Variants in CDC14A observed in about 807,000 individuals in gnomAD.
The protein encoded by CDC14A is dual specificity protein phosphatase CDC14A.
In CDC14A, 53 loss-of-function variants were observed where a neutral mutation model predicts 74.4. The observed-to-expected ratio is 0.71, with a 90% CI of 0.57 to 0.89. CDC14A has a LOEUF of 0.89. Among genes scored for constraint, CDC14A ranks in the 40% least tolerant of loss-of-function variants. CDC14A has a pLI of 0.00. For synonymous variants in CDC14A, 247 were observed against 258.4 expected, an observed-to-expected ratio of 0.96 and a Z score of 0.43; for missense variants, 646 against 713.7, an observed-to-expected ratio of 0.91 and a Z score of 1.08.
At chr1:100,354,624 C>T (rs1216723790) in intron 2 of CDC14A, among the ~76,000 whole-genome samples, 1 of 152,188 alleles carries the variant, frequency 6.6e-6, no homozygotes, top group African/African-American at 2.4e-5. Flanking sequence ...AATCTTTATT[C>T]AGTAAAAGTA....
intron 11 of CDC14A, among the ~76,000 whole-genome samples, chr1:100,487,694 C>G (rs1032722363): frequency 6.6e-6 from 1 of 152,186 alleles, no homozygotes; most frequent in East Asian, 1.9e-4. Context: ...TGTGGTTTTA[C>G]TGAATGTTCT....
intron 2 of CDC14A, among the ~76,000 whole-genome samples, chr1:100,377,036 GTT>G (rs60831530): frequency 7.2e-5 from 10 of 138,212 alleles, no homozygotes; most frequent in Admixed American, 7.3e-5. Flanking sequence ...AATTAGTTCT[GTT>G]TTTTTTTTTT....
rs529224 is a variant in CDC14A, at chr1:100,352,622, G to C, written c.-333G>C. On this transcript the variant is annotated 5_prime_UTR_variant, in exon 1 of 16. Transcript: ENST00000336454. ...ATGATCACTTTGGAAGCCGGGGGAA[G>C]ACTTTGCCCTGCCCTGAGAGCTGGT... The C allele has an allele frequency of 0.37, 436,571 of 1,167,510 alleles. 83,257 individuals are homozygous for C. Among genetic ancestry groups the C allele is most frequent in the East Asian group, 0.48 (8,178 of 16,922 alleles). 72.3% of individuals were successfully genotyped at this position (1,167,510 alleles called of 1,614,324 possible). A position where few individuals can be genotyped will look rare whatever the true frequency, so the allele number is the denominator to read the frequency against.
At chr1:100,411,255 A>C (rs1049779554) in intron 4 of CDC14A, among the ~76,000 whole-genome samples, 1 of 152,174 alleles carries the variant, frequency 6.6e-6, no homozygotes, top group Non-Finnish European at 1.5e-5. Flanking sequence ...AGTGCAAGGG[A>C]ACACTGTTGT....
chr1:100,505,075 C>A, intron 15 of CDC14A: 1 of 816,680 alleles, frequency 1.2e-6, no homozygotes, highest in East Asian at 2.8e-5. Flanking sequence ...GCAGACATTT[C>A]AAAAAGTTCT....
intron 5 of CDC14A, among the ~76,000 whole-genome samples, chr1:100,426,339 C>T (rs1433214626): frequency 2.6e-5 from 4 of 152,104 alleles, no homozygotes; most frequent in Non-Finnish European, 4.4e-5. Flanking sequence ...TCTTGAACCC[C>T]TGGCTTCAAG....
upstream of CDC14A, among the ~76,000 whole-genome samples, chr1:100,348,182 T>G (rs1040766178): frequency 6.0e-5 from 9 of 150,386 alleles, no homozygotes; most frequent in Admixed American, 4.0e-4. Flanking sequence ...CTTGGGAGGC[T>G]GAGGCAGGCA....
intron 7 of CDC14A, among the ~76,000 whole-genome samples, chr1:100,453,338 A>G (rs1666339246): frequency 6.6e-6 from 1 of 152,236 alleles, no homozygotes; most frequent in Non-Finnish European, 1.5e-5. Context: ...GGTCAAGGAT[A>G]CAGAAATAGT....
chr1:100,474,784 C>G (rs1668729798), intron 10 of CDC14A, among the ~76,000 whole-genome samples: 1 of 151,298 alleles, frequency 6.6e-6, no homozygotes, highest in Non-Finnish European at 1.5e-5. Context: ...TAATTTTCTC[C>G]TTATATTTTT....
intron 6 of CDC14A, among the ~76,000 whole-genome samples, chr1:100,442,067 A>G (rs1286817266): frequency 2.6e-5 from 4 of 151,962 alleles, no homozygotes; most frequent in Non-Finnish European, 5.9e-5. Context: ...TCTTTAAAAT[A>G]TTAGATCTGA....
intron 4 of CDC14A, among the ~76,000 whole-genome samples, chr1:100,407,319 C>G (rs1342536406): frequency 6.6e-6 from 1 of 152,032 alleles, no homozygotes; most frequent in Non-Finnish European, 1.5e-5. Context: ...GATATTGATT[C>G]TTCCTGTGCG....
chr1:100,350,092 C>T (rs1570923118), upstream of CDC14A, among the ~76,000 whole-genome samples: 2 of 152,282 alleles, frequency 1.3e-5, no homozygotes, highest in East Asian at 3.9e-4. Flanking sequence ...GCTGGGATTA[C>T]AGGTGTGTGC....
At chr1:100,381,857 G>T (rs1364562396) in intron 3 of CDC14A, among the ~76,000 whole-genome samples, 11 of 152,126 alleles carry the variant, frequency 7.2e-5, no homozygotes, top group African/African-American at 2.7e-4. Context: ...GTTGCTGTTT[G>T]GTCTTTCCCC....
Position 100,390,394 on chromosome 1 carries a change from A to C in CDC14A, c.217-338A>C, listed in dbSNP as rs551379244. Among the ~76,000 whole-genome samples, 6 of 152,300 alleles carry C rather than the reference A, an allele frequency of 3.9e-5. No homozygotes were observed. The East Asian group carries it at 1.2e-3, about 29-fold the overall frequency. On this transcript the variant is annotated intron_variant, in intron 3 of 15. Transcript: ENST00000336454. ...TTGGAGTGGCATGTAGGGGGTAACA[A>C]AGTGTGAAGAGACTTTCTGTAGAAG...
At chr1:100,489,804 A>G (rs1571325234) in intron 11 of CDC14A, among the ~76,000 whole-genome samples, 1 of 152,188 alleles carries the variant, frequency 6.6e-6, no homozygotes, top group Admixed American at 6.5e-5. Flanking sequence ...AGGGTTCTTC[A>G]TTGTTGCCAG....
At chr1:100,426,460 T>C (rs1662972254) in intron 5 of CDC14A, among the ~76,000 whole-genome samples, 1 of 152,140 alleles carries the variant, frequency 6.6e-6, no homozygotes, top group African/African-American at 2.4e-5. Flanking sequence ...GAAAAGATAG[T>C]AAGATAATTA....
At position 100,360,108 on chromosome 1, in the gene CDC14A, ATT is replaced by A. The variant is rs35028152; in HGVS notation, c.140+6273_140+6274del. Among the ~76,000 whole-genome samples the A allele has an allele frequency of 3.6e-3, 446 of 123,702 alleles. 4 individuals are homozygous for A. The highest frequency in any genetic ancestry group is 0.012 in the African/African-American group (379 of 32,706). The allele number at this position is 123,702 out of a possible 152,430, so 81.2% of individuals were successfully genotyped here. ...CAGGCGCGCACCACCACACCCAGCTATTTTTTTTTTTTTTTTTTGTATTTTTA... is the reference window on the plus strand; with the variant it reads ...CAGGCGCGCACCACCACACCCAGCTATTTTTTTTTTTTTTTTGTATTTTTA... On this transcript the variant is annotated intron_variant, in intron 2 of 15. Transcript: ENST00000336454.
rs1655458304 is a variant in CDC14A at position 100,377,578 on chromosome 1, C to T, written c.173C>T (p.Ala58Val). The T allele has an allele frequency of 6.2e-7, 1 of 1,613,308 alleles. No homozygotes were observed. Among genetic ancestry groups the T allele is most frequent in the African/African-American group, 1.3e-5 (1 of 74,868 alleles). ...FYADFGPLNLAMVYRYCCKLN... is the reference protein window; with the variant it reads ...FYADFGPLNLVMVYRYCCKLN... ...GCAGATTTTGGACCGCTGAACTTGG[C>T]AATGGTGTACAGATATTGCTGCAAA... Residue 58 changes from alanine to valine, a missense_variant, in exon 3 of 16, where the codon GCA becomes GTA. Ala to Val is a moderately conservative substitution (Grantham distance 64). Transcript: ENST00000336454.
At chr1:100,495,960 G>C (rs2101425548) in intron 12 of CDC14A, 42 bp from the exon 13 acceptor site, 1 of 1,568,298 alleles carries the variant, frequency 6.4e-7, no homozygotes, top group Non-Finnish European at 8.8e-7. Context: ...GTGAAAACGT[G>C]TGCCCTGGTG....
Sources: allele counts gnomAD v4.1 joint callset (sites outside exome capture counted in the v4.1 genomes callset), GRCh38; gene constraint gnomAD v4.1.1; transcripts MANE v1.5; gene names NCBI Gene and HGNC (gene_info 2026-07-23, HGNC 2026-07-21).